GUCY2F: variants seen among roughly 807,000 people sequenced by gnomAD.
GUCY2F encodes retinal guanylyl cyclase 2.
In GUCY2F, 61 loss-of-function variants were observed where a neutral mutation model predicts 73.1. The ratio of observed to expected loss-of-function variants is 0.83; its 90% CI spans 0.68 to 1.03. The LOEUF is 1.03. GUCY2F is among the 50% of genes least tolerant of loss of function. The pLI, the probability that GUCY2F is intolerant of heterozygous loss-of-function variation, is 0.00. For missense variants in GUCY2F, 912 were observed against 854.3 expected, an observed-to-expected ratio of 1.07 and a Z score of -0.84; for synonymous variants, 331 against 307.8, an observed-to-expected ratio of 1.08 and a Z score of -0.79.
intron 7 of GUCY2F, among the ~76,000 whole-genome samples, chrX:109,437,000 A>G (rs1931766329): frequency 9.0e-6 from 1 of 111,700 alleles, no homozygotes; most frequent in Non-Finnish European, 1.9e-5. Flanking sequence ...ACAGCAAAAA[A>G]AAAAAGAAAA....
At chrX:109,431,812 G>A (rs1288220678) in intron 7 of GUCY2F, among the ~76,000 whole-genome samples, 1 of 109,159 alleles carries the variant, frequency 9.2e-6, no homozygotes, top group East Asian at 2.9e-4. Context: ...GCAGGCTTCC[G>A]AGTTACCTGC....
At chrX:109,447,889 T>G (rs991439106) in intron 6 of GUCY2F, among the ~76,000 whole-genome samples, 180 bp downstream of exon 6, 1 of 111,547 alleles carries the variant, frequency 9.0e-6, no homozygotes, top group Non-Finnish European at 1.9e-5. Context: ...TTTTTTAATT[T>G]TTTTTTTAAA....
intron 17 of GUCY2F, among the ~76,000 whole-genome samples, chrX:109,378,126 T>G (rs190779062): frequency 2.3e-4 from 26 of 112,015 alleles, no homozygotes; most frequent in African/African-American, 8.1e-4. Context: ...TACTTTGGCA[T>G]GATGCTTATG....
In GUCY2F at chrX:109,458,825, A is replaced by T. The variant is rs1010027581; in HGVS notation, c.1033-4966T>A. 6.3e-5 allele frequency among the ~76,000 whole-genome samples: 7 copies of T among 111,318 alleles called. No individual in the cohort carries two copies. In the Admixed American group the frequency reaches 6.7e-4, roughly 11 times the overall value. ...GTTAATTCATTTAATCCTCACAAGAACCCTATTAGTTAGGTACTATTGTTA... is the reference window on the plus strand; with the variant it reads ...GTTAATTCATTTAATCCTCACAAGATCCCTATTAGTTAGGTACTATTGTTA... On this transcript the variant is annotated intron_variant, in intron 3 of 19. Coordinates refer to ENST00000218006, the MANE Select transcript of GUCY2F (RefSeq NM_001522.3).
chrX:109,449,050 G>C (rs1247225681), intron 5 of GUCY2F, among the ~76,000 whole-genome samples: 1 of 111,456 alleles, frequency 9.0e-6, no homozygotes, highest in Non-Finnish European at 1.9e-5. Context: ...CGGTATGCTC[G>C]TTTTGTTGTT....
At position 109,465,139 on chromosome X, in the gene GUCY2F, T is replaced by C. The variant is rs769189917; in HGVS notation, c.1032+3A>G. 1.7e-6 allele frequency: 2 copies of C among 1,194,893 alleles called. No homozygotes were observed. The highest frequency in any genetic ancestry group is 2.3e-6 in the Non-Finnish European group (2 of 880,586). On this transcript the variant is annotated splice_donor_region_variant and intron_variant, in intron 3 of 19. Coordinates refer to ENST00000218006, the MANE Select transcript of GUCY2F (RefSeq NM_001522.3). ...TCATGACAACCTATGAATGTGTACT[T>C]ACTTGATCGAACTCCAGCTTCTCAG...
intron 17 of GUCY2F, among the ~76,000 whole-genome samples, chrX:109,377,076 C>G (rs184909453): frequency 8.0e-5 from 9 of 112,165 alleles, no homozygotes; most frequent in Non-Finnish European, 1.7e-4. Flanking sequence ...AGATTTACCC[C>G]TTTAAATATC....
chrX:109,479,167 T>C (rs1166646321), intron 1 of GUCY2F, among the ~76,000 whole-genome samples: 1 of 112,046 alleles, frequency 8.9e-6, no homozygotes, highest in Non-Finnish European at 1.9e-5. Context: ...CCAGTTCCAC[T>C]GTATTCTATG....
intron 2 of GUCY2F, among the ~76,000 whole-genome samples, chrX:109,474,098 G>T (rs1932629926): frequency 8.9e-6 from 1 of 111,771 alleles, no homozygotes; most frequent in African/African-American, 3.3e-5. Flanking sequence ...TCATAATTAA[G>T]GTCCAATACT....
intron 5 of GUCY2F, among the ~76,000 whole-genome samples, chrX:109,448,706 G>A (rs762332813): frequency 1.8e-5 from 2 of 112,250 alleles, no homozygotes; most frequent in East Asian, 5.6e-4. Context: ...CCAGATTTCT[G>A]CCCATAAGAC....
chrX:109,456,034 C>T (rs1238934720), intron 3 of GUCY2F, among the ~76,000 whole-genome samples: 4 of 112,094 alleles, frequency 3.6e-5, no homozygotes, highest in African/African-American at 9.7e-5. Context: ...GAAATCAATA[C>T]CTCAGTCTCC....
chrX:109,466,988 G>A (rs1932480404), intron 2 of GUCY2F, among the ~76,000 whole-genome samples: 1 of 112,086 alleles, frequency 8.9e-6, no homozygotes, highest in Non-Finnish European at 1.9e-5. Context: ...CATGACATGA[G>A]TTTTCAAATG....
intron 8 of GUCY2F, among the ~76,000 whole-genome samples, chrX:109,425,907 C>A (rs962173662): frequency 1.8e-5 from 2 of 110,824 alleles, no homozygotes; most frequent in East Asian, 5.6e-4. Context: ...TAGTAAAAAT[C>A]GAGAAAGAGA....
At chrX:109,447,346 T>C (rs1391588155) in intron 6 of GUCY2F, among the ~76,000 whole-genome samples, 1 of 110,804 alleles carries the variant, frequency 9.0e-6, no homozygotes, top group African/African-American at 3.3e-5. Context: ...TGAGGCACTA[T>C]TCACAATAGC....
intron 9 of GUCY2F, among the ~76,000 whole-genome samples, chrX:109,406,986 G>A (rs1332582613): frequency 1.8e-5 from 2 of 112,087 alleles, no homozygotes; most frequent in Non-Finnish European, 3.8e-5. Flanking sequence ...TACTACGAGT[G>A]GGGCATTGCT....
chrX:109,376,247 G>A, intron 17 of GUCY2F, 80 bp from the exon 18 acceptor site: 1 of 711,961 alleles, frequency 1.4e-6, no homozygotes, highest in South Asian at 2.5e-5. Flanking sequence ...GGTTGGCTCA[G>A]AAATTGCCTC....
At chrX:109,386,410 A>T (rs1304959401) in intron 15 of GUCY2F, among the ~76,000 whole-genome samples, 1 of 111,174 alleles carries the variant, frequency 9.0e-6, no homozygotes, top group Non-Finnish European at 1.9e-5. Flanking sequence ...AAGGGACATA[A>T]ATCAAAGGCT....
chrX:109,466,713 A>G (rs979062817), intron 2 of GUCY2F, among the ~76,000 whole-genome samples: 3 of 111,365 alleles, frequency 2.7e-5, no homozygotes, highest in African/African-American at 9.8e-5. Context: ...AAAGGCAAAG[A>G]CTCTATTGCT....
chrX:109,452,237 C>G (rs750168306), intron 4 of GUCY2F, 130 bp from the exon 5 acceptor site: 1 of 469,522 alleles, frequency 2.1e-6, no homozygotes, highest in East Asian at 3.8e-5. Context: ...AACCTAATTC[C>G]ATTTTTTCTC....
Sources: allele counts gnomAD v4.1 joint callset (sites outside exome capture counted in the v4.1 genomes callset), GRCh38; gene constraint gnomAD v4.1.1; transcripts MANE v1.5; gene names NCBI Gene and HGNC (gene_info 2026-07-23, HGNC 2026-07-21).